The following NELL2 variants were observed in gnomAD, a reference collection of about 807,000 sequenced individuals.
NELL2 encodes the protein protein kinase C-binding protein NELL2.
NELL2 carries 41 observed loss-of-function variants against 109.6 expected under a neutral mutation model. That is an observed-to-expected ratio of 0.37 (90% CI 0.29 to 0.49). NELL2 has a LOEUF of 0.49. Among genes scored for constraint, NELL2 ranks in the 20% least tolerant of loss-of-function variants. The pLI is 0.98. For missense variants in NELL2, 900 were observed against 1,008.3 expected (o/e 0.89, Z 1.45); for synonymous variants, 355 against 344.7 (o/e 1.03, Z -0.33).
At chr12:44,739,535 TAAAAG>T (rs1238240223) in intron 9 of NELL2, among the ~76,000 whole-genome samples, 2 of 152,152 alleles carry the variant, frequency 1.3e-5, no homozygotes, top group African/African-American at 4.8e-5. Context: ...TGGAAAAAAT[TAAAAG>T]AAGAGTATTT....
intron 3 of NELL2, among the ~76,000 whole-genome samples, chr12:44,783,072 A>T (rs1359288001): frequency 6.6e-6 from 1 of 151,996 alleles, no homozygotes. Context: ...ACAGAATCAC[A>T]CTGAAAATCA....
chr12:44,553,781 G>A (rs888495894), intron 15 of NELL2, among the ~76,000 whole-genome samples: 4 of 152,208 alleles, frequency 2.6e-5, no homozygotes, highest in South Asian at 2.1e-4. Flanking sequence ...GTAATACCAC[G>A]GAGGACAATG....
At chr12:44,796,804 C>T (rs1942638236) in intron 3 of NELL2, among the ~76,000 whole-genome samples, 1 of 151,978 alleles carries the variant, frequency 6.6e-6, no homozygotes, top group African/African-American at 2.4e-5. Flanking sequence ...AATTGAAGCC[C>T]TAGCATCCAA....
chr12:44,761,646 G>A (rs903230688), intron 9 of NELL2, among the ~76,000 whole-genome samples: 1 of 152,136 alleles, frequency 6.6e-6, no homozygotes, highest in African/African-American at 2.4e-5. Flanking sequence ...TCAATGTAAT[G>A]ACTGGATAAA....
At chr12:44,556,534 G>C (rs1182776576) in intron 15 of NELL2, among the ~76,000 whole-genome samples, 1 of 152,128 alleles carries the variant, frequency 6.6e-6, no homozygotes, top group Non-Finnish European at 1.5e-5. Flanking sequence ...CAGAGAAAGT[G>C]GGAATCAACC....
At chr12:44,592,284 T>C (rs1383484836) in intron 15 of NELL2, among the ~76,000 whole-genome samples, 1 of 152,188 alleles carries the variant, frequency 6.6e-6, no homozygotes, top group East Asian at 1.9e-4. Flanking sequence ...TGTGGTAAGT[T>C]TTCAGTAATG....
At chr12:44,517,903 A>G (rs529256898) in intron 19 of NELL2, among the ~76,000 whole-genome samples, 1 of 152,316 alleles carries the variant, frequency 6.6e-6, no homozygotes, top group East Asian at 1.9e-4. Context: ...AATAAATAAA[A>G]TAGTGCTTTC....
At chr12:44,738,276 A>C (rs1307917845) in intron 9 of NELL2, among the ~76,000 whole-genome samples, 2 of 152,314 alleles carry the variant, frequency 1.3e-5, no homozygotes, top group Non-Finnish European at 2.9e-5. Flanking sequence ...TCATCAGAAC[A>C]TAGATCTAGC....
intron 13 of NELL2, among the ~76,000 whole-genome samples, chr12:44,642,225 G>T (rs1477175224): frequency 6.6e-6 from 1 of 152,024 alleles, no homozygotes; most frequent in Non-Finnish European, 1.5e-5. Context: ...TTCTTAACCT[G>T]ATAAGCATTC....
chr12:44,645,608 A>G (rs1947065348), intron 13 of NELL2, among the ~76,000 whole-genome samples: 1 of 152,212 alleles, frequency 6.6e-6, no homozygotes, highest in Admixed American at 6.5e-5. Context: ...CTTGGGTACA[A>G]TAATCCCTTT....
chr12:44,575,157 TAGTCAGTAA>T (rs1388609692), intron 15 of NELL2, among the ~76,000 whole-genome samples: 2 of 152,230 alleles, frequency 1.3e-5, no homozygotes, highest in African/African-American at 4.8e-5. Context: ...TTTCACATAG[TAGTCAGTAA>T]AGCAAATACT....
In NELL2 at chr12:44,900,898, A is replaced by G. The variant is rs113041875; in HGVS notation, c.38+12901T>C. On this transcript the variant is annotated intron_variant, in intron 1 of 20. Coordinates refer to the NELL2 transcript ENST00000333837. ...CAGCTACTCAAGAGGCTGAGGCAGG[A>G]CAATTGCTTAAACCCAGGAGACAAA... is the stretch of plus-strand genomic sequence containing the variant. Among the ~76,000 whole-genome samples the G allele has an allele frequency of 4.2e-3, 642 of 152,228 alleles. 4 individuals are homozygous for G. The highest frequency in any genetic ancestry group is 0.014 in the African/African-American group (589 of 41,530).
At chr12:44,901,601 A>G (rs565950307) in intron 1 of NELL2, among the ~76,000 whole-genome samples, 2 of 152,326 alleles carry the variant, frequency 1.3e-5, no homozygotes, top group East Asian at 3.9e-4. Context: ...ACACACAAAA[A>G]AGAAAATTTC....
intron 9 of NELL2, among the ~76,000 whole-genome samples, chr12:44,772,219 G>C (rs987631998): frequency 6.6e-6 from 1 of 152,082 alleles, no homozygotes; most frequent in Non-Finnish European, 1.5e-5. Context: ...TGACACTACT[G>C]TGGAATTAAC....
intron 14 of NELL2, among the ~76,000 whole-genome samples, chr12:44,610,222 C>A: frequency 6.7e-6 from 1 of 149,786 alleles, no homozygotes; most frequent in African/African-American, 2.5e-5. Flanking sequence ...ACAGTAGCCT[C>A]CGACAGCTCA....
intron 15 of NELL2, among the ~76,000 whole-genome samples, chr12:44,600,158 T>G (rs1945159569): frequency 6.8e-6 from 1 of 147,572 alleles, no homozygotes; most frequent in Admixed American, 6.8e-5. Context: ...ATTTATTTAT[T>G]TATTTATTTA....
rs181060333 is a variant in NELL2 at position 44,619,172 on chromosome 12, C to T, written c.1445-8202G>A. ...GGTTTTTAACAGAAAAGGGTAAAGA[C>T]GGGGAAGAACACTGCAGCTGGAGAA... On this transcript the variant is annotated intron_variant, in intron 13 of 19. Coordinates refer to ENST00000429094, the MANE Select transcript of NELL2 (RefSeq NM_001145108.2). 1.0e-3 allele frequency among the ~76,000 whole-genome samples: 152 copies of T among 152,052 alleles called. 1 individual carries two copies. Among genetic ancestry groups the T allele is most frequent in the Non-Finnish European group, 1.6e-3 (108 of 67,980 alleles).
chr12:44,794,646 C>CT (rs1272197342), intron 3 of NELL2, among the ~76,000 whole-genome samples: 1 of 152,180 alleles, frequency 6.6e-6, no homozygotes, highest in Non-Finnish European at 1.5e-5. Context: ...CATCTGCAAC[C>CT]TCCCCAGATC....
At chr12:44,769,779 A>T (rs1941473987) in intron 9 of NELL2, among the ~76,000 whole-genome samples, 1 of 152,172 alleles carries the variant, frequency 6.6e-6, no homozygotes, top group Admixed American at 6.5e-5. Flanking sequence ...AGCAATAAGT[A>T]TAACTGATCT....
Sources: gnomAD v4.1 joint callset for allele counts (sites outside exome capture counted in the v4.1 genomes callset) on GRCh38, gnomAD v4.1.1 for gene constraint, MANE v1.5 for transcripts, NCBI Gene and HGNC (gene_info 2026-07-23, HGNC 2026-07-21) for gene names.